The following GRID2 variants were observed in gnomAD, a reference collection of about 807,000 sequenced individuals.
The protein encoded by GRID2 is glutamate ionotropic receptor delta type subunit 2, also known as glutamate receptor ionotropic, delta-2.
In GRID2, 33 loss-of-function variants were observed where a neutral mutation model predicts 114.8. That is an observed-to-expected ratio of 0.29 (90% CI 0.22 to 0.38). The LOEUF (loss-of-function observed/expected upper bound fraction) is 0.38. Among genes scored for constraint, GRID2 ranks in the 10% least tolerant of loss-of-function variants. GRID2 has a pLI of 1.00. For synonymous variants in GRID2, 505 were observed against 449.9 expected (o/e 1.12, Z -1.55); for missense variants, 1,184 against 1,257.7 (o/e 0.94, Z 0.89).
intron 8 of GRID2, among the ~76,000 whole-genome samples, chr4:93,394,025 C>G (rs961265621): frequency 2.0e-5 from 3 of 151,952 alleles, no homozygotes; most frequent in African/African-American, 4.8e-5. Context: ...TTATAGATCA[C>G]TTTTTCCACC....
intron 2 of GRID2, among the ~76,000 whole-genome samples, chr4:92,697,883 C>T (rs890758479): frequency 6.6e-6 from 1 of 151,938 alleles, no homozygotes; most frequent in Non-Finnish European, 1.5e-5. Flanking sequence ...AAAATATAAA[C>T]TGAGATAGCA....
intron 8 of GRID2, among the ~76,000 whole-genome samples, chr4:93,346,866 TTC>T (rs1426362301): frequency 6.6e-6 from 1 of 152,176 alleles, no homozygotes; most frequent in African/African-American, 2.4e-5. Context: ...CTCTTTATTA[TTC>T]TGTTTAATAA....
chr4:93,278,754 T>C lies in GRID2; in HGVS notation c.1245+40264T>C, dbSNP rs187704635. ...TATAAGATCATAGGAAGAACAACTT[T>C]GCATAAAGAAGTTAAAGATTATTTC... is the stretch of plus-strand genomic sequence containing the variant. On this transcript the variant is annotated intron_variant, in intron 8 of 15. Transcript: ENST00000282020. Among the ~76,000 whole-genome samples the C allele has an allele frequency of 1.1e-4, 17 of 152,126 alleles. No homozygotes were observed. The East Asian group carries it at 3.3e-3, about 29-fold the overall frequency.
At chr4:92,371,675 CA>C (rs1387196849) in intron 1 of GRID2, among the ~76,000 whole-genome samples, 1 of 152,018 alleles carries the variant, frequency 6.6e-6, no homozygotes, top group African/African-American at 2.4e-5. Context: ...TGGAGATGTA[CA>C]AGGAGGTTAA....
intron 9 of GRID2, among the ~76,000 whole-genome samples, chr4:93,422,319 T>G (rs1048649664): frequency 1.3e-5 from 2 of 150,324 alleles, no homozygotes; most frequent in Admixed American, 1.3e-4. Flanking sequence ...TCAGCTAAAT[T>G]ATATGTTCTT....
chr4:92,795,705 G>C (rs780818761), intron 2 of GRID2, among the ~76,000 whole-genome samples: 1 of 151,906 alleles, frequency 6.6e-6, no homozygotes, highest in African/African-American at 2.4e-5. Context: ...AAATAGTCTT[G>C]AATAATTGGA....
At chr4:93,658,823 T>C (rs2149733815) in intron 14 of GRID2, among the ~76,000 whole-genome samples, 1 of 152,258 alleles carries the variant, frequency 6.6e-6, no homozygotes, top group Admixed American at 6.5e-5. Flanking sequence ...GAATAGTTTT[T>C]ATATAGGGAA....
chr4:92,931,109 T>TA (rs35197316), intron 2 of GRID2, among the ~76,000 whole-genome samples: 58,216 of 150,522 alleles, frequency 0.39, 11,722 homozygotes, highest in Middle Eastern at 0.55. Flanking sequence ...TTAAAATCCT[T>TA]AAAAAAATTC....
intron 13 of GRID2, among the ~76,000 whole-genome samples, chr4:93,560,617 G>T (rs1043726666): frequency 1.3e-5 from 2 of 152,162 alleles, no homozygotes; most frequent in African/African-American, 4.8e-5. Flanking sequence ...GTGGGACACA[G>T]ATCCAAACCC....
At chr4:92,913,199 A>C in intron 2 of GRID2, among the ~76,000 whole-genome samples, 1 of 151,992 alleles carries the variant, frequency 6.6e-6, no homozygotes, top group African/African-American at 2.4e-5. Flanking sequence ...TTTTGTGAAT[A>C]TCAAGTTTGA....
chr4:93,479,746 C>A (rs1424172159), intron 11 of GRID2, among the ~76,000 whole-genome samples: 1 of 152,044 alleles, frequency 6.6e-6, no homozygotes, highest in African/African-American at 2.4e-5. Context: ...CGCCAGCTAA[C>A]TGGATGGTAC....
At chr4:92,929,704 A>G (rs1560712247) in intron 2 of GRID2, among the ~76,000 whole-genome samples, 1 of 147,900 alleles carries the variant, frequency 6.8e-6, no homozygotes. Flanking sequence ...TGGTTTTCTT[A>G]TTTACTGAAG....
intron 2 of GRID2, among the ~76,000 whole-genome samples, chr4:92,815,883 C>T (rs1421035945): frequency 1.5e-5 from 2 of 129,972 alleles, no homozygotes; most frequent in Non-Finnish European, 3.1e-5. Context: ...TCACTGTACT[C>T]CAGCCAAGGT....
intron 14 of GRID2, among the ~76,000 whole-genome samples, chr4:93,695,021 A>G (rs1726889784): frequency 6.6e-6 from 1 of 152,056 alleles, no homozygotes; most frequent in South Asian, 2.1e-4. Context: ...AAATATGAAA[A>G]TTAGCCCGGC....
intron 1 of GRID2, among the ~76,000 whole-genome samples, chr4:92,542,383 C>T (rs1399495496): frequency 2.0e-5 from 3 of 152,048 alleles, no homozygotes; most frequent in African/African-American, 7.2e-5. Flanking sequence ...GCTTTCTTCA[C>T]AGAGGTGTTG....
At chr4:93,507,468 A>T (rs6532412) in intron 12 of GRID2, among the ~76,000 whole-genome samples, 126,472 of 152,238 alleles carry the variant, frequency 0.83, 53,056 homozygotes, top group African/African-American at 0.94. Flanking sequence ...ATCCTGAAAT[A>T]TAATTTTCTG....
chr4:92,372,297 A>AGT (rs1442623762), intron 1 of GRID2, among the ~76,000 whole-genome samples: 4 of 152,178 alleles, frequency 2.6e-5, no homozygotes, highest in African/African-American at 9.6e-5. Context: ...GCTATCAAAT[A>AGT]GTATTGCATG....
intron 2 of GRID2, among the ~76,000 whole-genome samples, chr4:93,081,921 C>A (rs1729904783): frequency 1.3e-5 from 2 of 152,290 alleles, no homozygotes; most frequent in Admixed American, 6.5e-5. Context: ...GTTCTTACTG[C>A]AGCCTTTTAT....
intron 2 of GRID2, among the ~76,000 whole-genome samples, chr4:92,908,023 CAAACA>C: frequency 6.6e-6 from 1 of 152,082 alleles, no homozygotes; most frequent in Middle Eastern, 3.4e-3. Context: ...AACTCCATCT[CAAACA>C]AAACAAAACA....
Sources: gnomAD v4.1 joint callset for allele counts (sites outside exome capture counted in the v4.1 genomes callset) on GRCh38, gnomAD v4.1.1 for gene constraint, MANE v1.5 for transcripts, NCBI Gene and HGNC (gene_info 2026-07-23, HGNC 2026-07-21) for gene names.